The following DIAPH2 variants were observed in gnomAD, a reference collection of about 807,000 sequenced individuals.
DIAPH2 encodes the protein protein diaphanous homolog 2.
Under a neutral mutation model 92.7 loss-of-function variants are expected in DIAPH2, and 35 were observed. The ratio of observed to expected loss-of-function variants is 0.38; its 90% CI spans 0.29 to 0.50. DIAPH2 has a LOEUF of 0.50. Among genes scored for constraint, DIAPH2 ranks in the 20% least tolerant of loss-of-function variants. The probability of loss-of-function intolerance (pLI) is 0.94; values close to 1 mark genes in which losing one functional copy is unlikely to be tolerated. For missense variants in DIAPH2, 701 were observed against 819.5 expected (o/e 0.86, Z 1.77); for synonymous variants, 301 against 280.4 (o/e 1.07, Z -0.73).
At chrX:97,285,824 T>A (rs1005259041) in intron 23 of DIAPH2, among the ~76,000 whole-genome samples, 1 of 111,093 alleles carries the variant, frequency 9.0e-6, no homozygotes, top group Non-Finnish European at 1.9e-5. Context: ...CTCAAACTCC[T>A]GACCTTAAGT....
chrX:97,400,090 G>A (rs2069741026), intron 25 of DIAPH2, among the ~76,000 whole-genome samples: 1 of 112,476 alleles, frequency 8.9e-6, no homozygotes, highest in Admixed American at 9.4e-5. Context: ...TGTTTTGTGT[G>A]CTATGGTAGG....
At chrX:97,104,045 C>A (rs1230375629) in intron 20 of DIAPH2, among the ~76,000 whole-genome samples, 1 of 111,635 alleles carries the variant, frequency 9.0e-6, no homozygotes, top group African/African-American at 3.3e-5. Context: ...AATAGATCTT[C>A]CTACTAAACT....
intron 1 of DIAPH2, among the ~76,000 whole-genome samples, chrX:96,701,065 T>C (rs996669154): frequency 8.9e-6 from 1 of 112,155 alleles, no homozygotes; most frequent in African/African-American, 3.2e-5. Context: ...AGTACTTTCT[T>C]TCTAGTTCTT....
intron 26 of DIAPH2, among the ~76,000 whole-genome samples, chrX:97,574,263 A>G: frequency 8.9e-6 from 1 of 112,059 alleles, no homozygotes; most frequent in Non-Finnish European, 1.9e-5. Context: ...ACCTTTAACA[A>G]CTATGAAATA....
intron 22 of DIAPH2, among the ~76,000 whole-genome samples, chrX:97,194,506 G>T (rs5921575): frequency 4.3e-4 from 47 of 108,548 alleles, no homozygotes; most frequent in African/African-American, 1.4e-3. Flanking sequence ...GGATGGTCTC[G>T]ATCTCCCGAC....
chrX:97,403,955 G>C (rs1018202737), intron 25 of DIAPH2, among the ~76,000 whole-genome samples: 8 of 109,310 alleles, frequency 7.3e-5, no homozygotes, highest in African/African-American at 2.7e-4. Context: ...CTGGGTTCAA[G>C]CGATTCTCCT....
chrX:96,853,884 A>G (rs2065020235), intron 4 of DIAPH2, among the ~76,000 whole-genome samples: 1 of 111,790 alleles, frequency 8.9e-6, no homozygotes, highest in Admixed American at 9.5e-5. Context: ...GTCACATATG[A>G]TACTGTGCAT....
intron 26 of DIAPH2, among the ~76,000 whole-genome samples, chrX:97,542,277 C>T: frequency 8.9e-6 from 1 of 111,944 alleles, no homozygotes; most frequent in East Asian, 2.8e-4. Flanking sequence ...GTAAGTTTTT[C>T]AGGCTCCAAG....
chrX:97,042,184 T>A (rs964269117), intron 17 of DIAPH2, among the ~76,000 whole-genome samples: 22 of 111,857 alleles, frequency 2.0e-4, no homozygotes, highest in African/African-American at 6.1e-4. Flanking sequence ...GATGATTATA[T>A]TGTAAGAGAC....
intron 22 of DIAPH2, among the ~76,000 whole-genome samples, chrX:97,209,600 AT>A (rs2147503544): frequency 9.0e-6 from 1 of 111,296 alleles, no homozygotes; most frequent in Admixed American, 9.6e-5. Context: ...TGTAGCTTGA[AT>A]TCTTTATATA....
At chrX:97,584,250 A>G (rs17282304) in intron 26 of DIAPH2, among the ~76,000 whole-genome samples, 2,348 of 112,336 alleles carry the variant, frequency 0.021, 26 homozygotes, top group Non-Finnish European at 0.033. Flanking sequence ...GCCTGAGTAT[A>G]GTGATTAGTC....
chrX:97,346,605 A>G (rs182365434), intron 23 of DIAPH2, among the ~76,000 whole-genome samples: 11 of 112,311 alleles, frequency 9.8e-5, no homozygotes, highest in Non-Finnish European at 1.5e-4. Flanking sequence ...GGAGCCCTCA[A>G]AAATGAAGAC....
At chrX:96,688,952 G>GGA (rs1246566367) in intron 1 of DIAPH2, among the ~76,000 whole-genome samples, 2 of 107,423 alleles carry the variant, frequency 1.9e-5, no homozygotes, top group Admixed American at 2.0e-4. Context: ...ATCTCTTTAA[G>GGA]GAAAAAAAAA....
chrX:97,592,853 A>G (rs2071526609), intron 26 of DIAPH2, among the ~76,000 whole-genome samples: 1 of 111,898 alleles, frequency 8.9e-6, no homozygotes, highest in Non-Finnish European at 1.9e-5. Flanking sequence ...CATCCTCGTT[A>G]AAATAACTTT....
At chrX:97,156,020 T>C (rs1439370156) in intron 22 of DIAPH2, among the ~76,000 whole-genome samples, 6 of 112,291 alleles carry the variant, frequency 5.3e-5, no homozygotes, top group African/African-American at 1.9e-4. Flanking sequence ...TTTCAAGGCC[T>C]GATACCATTG....
intron 26 of DIAPH2, among the ~76,000 whole-genome samples, chrX:97,524,238 G>C (rs982804709): frequency 2.6e-4 from 29 of 112,063 alleles, no homozygotes; most frequent in Non-Finnish European, 1.7e-4. Flanking sequence ...AATATTTATA[G>C]TAGTTGCTCA....
Position 97,589,737 on chromosome X carries a change from A to T in DIAPH2, c.3242-9516A>T, listed in dbSNP as rs140136949. ...TAAATGTCAGGAATGATTCTTTGAG[A>T]CATCTTATATGAGAAGCAAGTTGCT... On this transcript the variant is annotated intron_variant, in intron 26 of 26. Coordinates refer to ENST00000324765, the MANE Select transcript of DIAPH2 (RefSeq NM_006729.5). 2.7e-5 allele frequency among the ~76,000 whole-genome samples: 3 copies of T among 112,437 alleles called. No homozygotes were observed. In the East Asian group the frequency reaches 8.4e-4, roughly 31 times the overall value.
chrX:96,743,216 A>C (rs766828094), intron 3 of DIAPH2, among the ~76,000 whole-genome samples: 1 of 112,155 alleles, frequency 8.9e-6, no homozygotes, highest in African/African-American at 3.2e-5. Context: ...ATAGGATATT[A>C]AGAAAATATG....
intron 26 of DIAPH2, among the ~76,000 whole-genome samples, chrX:97,550,174 C>G (rs1387310397): frequency 1.8e-5 from 2 of 111,716 alleles, no homozygotes; most frequent in African/African-American, 6.5e-5. Flanking sequence ...GCCTGGCCAA[C>G]ACGATGAAAC....
Sources: allele counts gnomAD v4.1 joint callset (sites outside exome capture counted in the v4.1 genomes callset), GRCh38; gene constraint gnomAD v4.1.1; transcripts MANE v1.5; gene names NCBI Gene and HGNC (gene_info 2026-07-23, HGNC 2026-07-21).